The following CAST variants were observed in gnomAD, a reference collection of about 807,000 sequenced individuals.
The protein encoded by CAST is calpastatin, also known as MIR583 host.
In CAST, 76 loss-of-function variants were observed where a neutral mutation model predicts 119.6. That is an observed-to-expected ratio of 0.64 (90% confidence interval 0.53 to 0.77). The LOEUF (loss-of-function observed/expected upper bound fraction) is 0.77, where lower values mean the gene tolerates loss of function less well. Ranked by LOEUF, CAST falls within the 30% of genes least tolerant of loss-of-function variation. The probability of loss-of-function intolerance (pLI) is 0.00; values close to 1 mark genes in which losing one functional copy is unlikely to be tolerated. For synonymous variants in CAST, 319 were observed against 331.6 expected, an observed-to-expected ratio of 0.96 and a Z score of 0.41; for missense variants, 953 against 946.5, an observed-to-expected ratio of 1.01 and a Z score of -0.09.
chr5:96,602,745 G>A (rs1277984980), intron 1 of CAST, among the ~76,000 whole-genome samples: 1 of 152,148 alleles, frequency 6.6e-6, no homozygotes, highest in Non-Finnish European at 1.5e-5. Flanking sequence ...GTGAAACACT[G>A]TCTCAAAAAT....
rs3797810 is a variant in CAST at position 96,774,425 on chromosome 5, T to G, written c.*1809T>G. 1 of 769,182 alleles carries G rather than the reference T, an allele frequency of 1.3e-6. No individual in the cohort carries two copies. The highest frequency in any genetic ancestry group is 1.3e-4 in the East Asian group (1 of 7,998). 47.6% of individuals were successfully genotyped at this position (769,182 alleles called of 1,614,324 possible). ...CTAATAACTGGAGTAAGCTACAGGA[T>G]CTAAAGCAGCCCTTTTTACAGTCTA... On this transcript the variant is annotated 3_prime_UTR_variant, in exon 32 of 32. Transcript: ENST00000675179.
chr5:96,314,786 G>A, the CAST span, among the ~76,000 whole-genome samples: 9 of 152,048 alleles, frequency 5.9e-5, no homozygotes, highest in South Asian at 2.1e-4. Context: ...CTTCCTAGAC[G>A]CTGAACTCCT....
At chr5:96,707,202 G>A (rs1247361564) in intron 3 of CAST, among the ~76,000 whole-genome samples, 2 of 152,090 alleles carry the variant, frequency 1.3e-5, no homozygotes, top group Non-Finnish European at 2.9e-5. Context: ...CTCACCTTTT[G>A]TCGTTTTCCC....
At chr5:96,386,826 A>C in the CAST span, among the ~76,000 whole-genome samples, 1 of 152,084 alleles carries the variant, frequency 6.6e-6, no homozygotes, top group African/African-American at 2.4e-5. Flanking sequence ...TTAGCTGGGC[A>C]TGGAGGTGGG....
At chr5:96,323,766 A>G in the CAST span, among the ~76,000 whole-genome samples, 1 of 152,198 alleles carries the variant, frequency 6.6e-6, no homozygotes, top group Non-Finnish European at 1.5e-5. Context: ...CATAGAGGCT[A>G]TACAGTTCAA....
the CAST span, among the ~76,000 whole-genome samples, chr5:96,194,402 ATAAT>A: frequency 6.6e-6 from 1 of 152,164 alleles, no homozygotes; most frequent in Non-Finnish European, 1.5e-5. Flanking sequence ...TAAGATTCTA[ATAAT>A]TTGTGAGCCA....
the CAST span, among the ~76,000 whole-genome samples, chr5:96,446,275 A>G: frequency 1.8e-3 from 280 of 152,272 alleles, no homozygotes; most frequent in African/African-American, 6.5e-3. Flanking sequence ...TATTGTTAAT[A>G]TAACTTGACT....
chr5:96,662,149 C>T, upstream of CAST: 1 of 386,440 alleles, frequency 2.6e-6, no homozygotes, highest in Non-Finnish European at 4.6e-6. Context: ...AGTGCTGGGG[C>T]CGGGGCGGGT....
intron 1 of CAST, among the ~76,000 whole-genome samples, chr5:96,596,792 T>C (rs1239703654): frequency 6.6e-6 from 1 of 152,160 alleles, no homozygotes; most frequent in Non-Finnish European, 1.5e-5. Context: ...TTTCTCACAG[T>C]CTGGAGGCTG....
At chr5:96,667,246 T>A (rs993821205) in intron 1 of CAST, among the ~76,000 whole-genome samples, 1 of 152,318 alleles carries the variant, frequency 6.6e-6, no homozygotes, top group African/African-American at 2.4e-5. Context: ...TCATAGAACA[T>A]AAGAATAAAT....
the CAST span, among the ~76,000 whole-genome samples, chr5:96,503,994 T>A: frequency 6.6e-6 from 1 of 152,122 alleles, no homozygotes; most frequent in Admixed American, 6.5e-5. Flanking sequence ...GAAGTGACTC[T>A]CCAGGCTGCA....
intron 13 of CAST, 122 bp downstream of exon 13, chr5:96,740,905 T>A: frequency 1.4e-6 from 1 of 701,924 alleles, no homozygotes; most frequent in Non-Finnish European, 2.5e-6. Context: ...TCAAATGGAG[T>A]TTCTGTGTGT....
chr5:95,986,789 C>T, the CAST span, among the ~76,000 whole-genome samples: 1 of 152,136 alleles, frequency 6.6e-6, no homozygotes, highest in South Asian at 2.1e-4. Context: ...GCTGAGTAGC[C>T]TCAGTAATCT....
intron 1 of CAST, among the ~76,000 whole-genome samples, chr5:96,608,220 A>G (rs535349498): frequency 1.3e-5 from 2 of 152,248 alleles, no homozygotes; most frequent in South Asian, 4.1e-4. Context: ...TGCCTGGTTT[A>G]TTTTACTTAA....
In CAST at chr5:96,566,416, G is replaced by A. The variant is rs374954152; in HGVS notation, c.60+36536G>A. Among the ~76,000 whole-genome samples the A allele has an allele frequency of 8.5e-4, 129 of 152,332 alleles. 1 individual carries two copies. In the South Asian group the frequency reaches 0.026, roughly 31 times the overall value. ...CATTAGTGAAAAGACGTGACAAGGTGATGCTAATCTATCACTGATGACGCA... is the reference window on the plus strand; with the variant it reads ...CATTAGTGAAAAGACGTGACAAGGTAATGCTAATCTATCACTGATGACGCA... On this transcript the variant is annotated intron_variant, in intron 1 of 11. Coordinates refer to the CAST transcript ENST00000505143.
chr5:96,327,026 TATA>T, the CAST span, among the ~76,000 whole-genome samples: 1 of 152,232 alleles, frequency 6.6e-6, no homozygotes, highest in East Asian at 1.9e-4. Flanking sequence ...GTTTGCCATC[TATA>T]ATGAGAGCAT....
chr5:96,415,331 C>G, the CAST span, among the ~76,000 whole-genome samples: 1 of 152,112 alleles, frequency 6.6e-6, no homozygotes, highest in Non-Finnish European at 1.5e-5. Flanking sequence ...GTACTCAAGG[C>G]CTATCCAGTG....
the CAST span, among the ~76,000 whole-genome samples, chr5:96,294,843 T>A: frequency 8.5e-5 from 13 of 152,236 alleles, no homozygotes; most frequent in Admixed American, 3.3e-4. Flanking sequence ...TTGATGTTAT[T>A]TTCATCCTGT....
chr5:96,471,845 CA>C, the CAST span, among the ~76,000 whole-genome samples: 1 of 149,474 alleles, frequency 6.7e-6, no homozygotes, highest in Non-Finnish European at 1.5e-5. Context: ...ATTTAGCTTA[CA>C]TTTTTTTTCT....
Sources: gnomAD v4.1 joint callset for allele counts (sites outside exome capture counted in the v4.1 genomes callset) on GRCh38, gnomAD v4.1.1 for gene constraint, MANE v1.5 for transcripts, NCBI Gene and HGNC (gene_info 2026-07-23, HGNC 2026-07-21) for gene names.